Variants in KIAA1958 observed in about 807,000 individuals in gnomAD.
The protein encoded by KIAA1958 is uncharacterized protein KIAA1958.
KIAA1958 carries 14 observed loss-of-function variants against 47.2 expected under a neutral mutation model. The ratio of observed to expected loss-of-function variants is 0.30; its 90% confidence interval spans 0.20 to 0.46. The LOEUF is 0.46. KIAA1958 is among the 20% of genes least tolerant of loss of function. The probability of loss-of-function intolerance (pLI) is 1.00; values close to 1 mark genes in which losing one functional copy is unlikely to be tolerated. For synonymous variants in KIAA1958, 354 were observed against 353.3 expected (o/e 1.00, Z -0.02); for missense variants, 803 against 909.2 (o/e 0.88, Z 1.50).
chr9:112,656,372 CAAAAAAAAAAAAAAA>C (rs35967386), intron 3 of KIAA1958, among the ~76,000 whole-genome samples: 1 of 57,826 alleles, frequency 1.7e-5, no homozygotes, highest in East Asian at 5.8e-4. Flanking sequence ...GACTCTGTCT[CAAAAAAAAAAAAAAA>C]AAAAAAAAAG....
At chr9:112,490,323 A>G (rs1204554332) in intron 1 of KIAA1958, among the ~76,000 whole-genome samples, 11 of 152,226 alleles carry the variant, frequency 7.2e-5, no homozygotes, top group African/African-American at 2.7e-4. Flanking sequence ...AGAGATCTAC[A>G]TAGTTGCCTG....
chr9:112,523,168 A>G (rs1834580791), intron 1 of KIAA1958, among the ~76,000 whole-genome samples: 1 of 152,186 alleles, frequency 6.6e-6, no homozygotes, highest in African/African-American at 2.4e-5. Context: ...TTCAAATGCT[A>G]GGGATTGAGG....
rs1274172373 is a variant in KIAA1958, at chr9:112,618,635, G to A, written c.1172-27015G>A. On this transcript the variant is annotated intron_variant, in intron 2 of 3. Transcript: ENST00000337530. The surrounding 1 kb of genome is among the most constrained non-coding windows in gnomAD (Gnocchi z 7.1). ...TTTCTACTTATCCATCAAGCCAGTC[G>A]TGAACCTGGCGGCTCTGCATTGGTA... The A allele has an allele frequency of 3.9e-6, 6 of 1,550,594 alleles. No individual in the cohort carries two copies. Among genetic ancestry groups the A allele is most frequent in the African/African-American group, 1.4e-5 (1 of 73,066 alleles).
chr9:112,609,448 A>AT (rs1209737797), intron 2 of KIAA1958, among the ~76,000 whole-genome samples: 7 of 152,218 alleles, frequency 4.6e-5, no homozygotes, highest in African/African-American at 1.7e-4. Context: ...ACTGTAAAAA[A>AT]TTTTAAGGTG....
chr9:112,646,979 T>A (rs1430031640), intron 3 of KIAA1958, among the ~76,000 whole-genome samples: 1 of 152,174 alleles, frequency 6.6e-6, no homozygotes, highest in Non-Finnish European at 1.5e-5. Context: ...CATTGAAAAG[T>A]CTTGCAAATA....
intron 1 of KIAA1958, among the ~76,000 whole-genome samples, chr9:112,497,073 T>C (rs562113754): frequency 1.3e-5 from 2 of 152,332 alleles, no homozygotes; most frequent in South Asian, 4.1e-4. Context: ...TAGATTCACT[T>C]ACAGTTGTAA....
intron 1 of KIAA1958, among the ~76,000 whole-genome samples, chr9:112,551,894 G>C (rs943535538): frequency 8.5e-5 from 13 of 152,198 alleles, no homozygotes; most frequent in Admixed American, 7.9e-4. Context: ...CAGTTCTCTA[G>C]CATTGTTAAG....
At chr9:112,581,984 C>A in intron 2 of KIAA1958, 1 of 253,652 alleles carries the variant, frequency 3.9e-6, no homozygotes, top group South Asian at 5.7e-5. Flanking sequence ...GAGCCACATA[C>A]CCATGAATGC....
At chr9:112,639,284 GAC>G (rs1280768419) in intron 2 of KIAA1958, among the ~76,000 whole-genome samples, 1 of 152,042 alleles carries the variant, frequency 6.6e-6, no homozygotes, top group African/African-American at 2.4e-5. Context: ...TGCCCACTCA[GAC>G]TCCAACACCC....
At chr9:112,624,262 A>G in intron 2 of KIAA1958, among the ~76,000 whole-genome samples, 1 of 152,228 alleles carries the variant, frequency 6.6e-6, no homozygotes, top group Admixed American at 6.5e-5. Context: ...TACATCTACC[A>G]TACAATATGG....
chr9:112,544,971 T>C (rs768306730), intron 1 of KIAA1958, among the ~76,000 whole-genome samples: 8 of 152,286 alleles, frequency 5.3e-5, no homozygotes, highest in Middle Eastern at 3.4e-3. Flanking sequence ...AAATGTATTG[T>C]TTCTGAAATC....
intron 2 of KIAA1958, among the ~76,000 whole-genome samples, chr9:112,587,897 C>T (rs1223014886): frequency 6.6e-6 from 1 of 152,150 alleles, no homozygotes; most frequent in East Asian, 1.9e-4. Context: ...ATAAAATATC[C>T]ATAGACTCTG....
chr9:112,487,192 T>TG (rs1360483992), intron 1 of KIAA1958, 74 bp downstream of exon 1: 6 of 181,442 alleles, frequency 3.3e-5, no homozygotes, highest in Non-Finnish European at 4.6e-5. Context: ...CCCCTTTGTG[T>TG]GGGGGGCGGC....
intron 1 of KIAA1958, among the ~76,000 whole-genome samples, chr9:112,505,366 A>G (rs1834215751): frequency 1.3e-5 from 2 of 152,234 alleles, no homozygotes; most frequent in South Asian, 2.1e-4. Flanking sequence ...TAAAATGAGT[A>G]TAATACTAAG....
intron 1 of KIAA1958, among the ~76,000 whole-genome samples, chr9:112,550,009 A>G (rs1210874718): frequency 6.6e-6 from 1 of 152,214 alleles, no homozygotes; most frequent in African/African-American, 2.4e-5. Flanking sequence ...AAGATCTACT[A>G]GAGTTGAGTT....
intron 2 of KIAA1958, among the ~76,000 whole-genome samples, chr9:112,607,749 C>CAAAAAAAAAA (rs367932637): frequency 8.4e-6 from 1 of 118,870 alleles, no homozygotes; most frequent in Admixed American, 9.1e-5. Flanking sequence ...ATATCCAAGA[C>CAAAAAAAAAA]AAAAAAAAAA....
At chr9:112,544,725 T>C (rs1835000639) in intron 1 of KIAA1958, among the ~76,000 whole-genome samples, 1 of 152,206 alleles carries the variant, frequency 6.6e-6, no homozygotes, top group Non-Finnish European at 1.5e-5. Flanking sequence ...CATTTCCACA[T>C]GTTGGCTTTC....
intron 1 of KIAA1958, among the ~76,000 whole-genome samples, chr9:112,560,838 A>G (rs1381458249): frequency 2.2e-4 from 34 of 152,140 alleles, no homozygotes. Flanking sequence ...GTATCATGGA[A>G]GACTTCCAGA....
intron 2 of KIAA1958, among the ~76,000 whole-genome samples, chr9:112,633,625 A>C (rs191051950): frequency 6.6e-6 from 1 of 152,250 alleles, no homozygotes; most frequent in Admixed American, 6.5e-5. Context: ...AGCTTCCCTC[A>C]TGTGCCCTCC....
Sources: allele counts gnomAD v4.1 joint callset (sites outside exome capture counted in the v4.1 genomes callset), GRCh38; gene constraint gnomAD v4.1.1; non-coding constraint Gnocchi (gnomAD v3.1); transcripts MANE v1.5; gene names NCBI Gene and HGNC (gene_info 2026-07-23, HGNC 2026-07-21).